Variants in GDPD4 observed in about 807,000 individuals in gnomAD.
The protein encoded by GDPD4 is glycerophosphodiester phosphodiesterase 6.
A neutral mutation model predicts 67.8 loss-of-function variants in GDPD4; 60 were observed. The observed-to-expected ratio is 0.88, with a 90% confidence interval of 0.72 to 1.10. The LOEUF is 1.10. GDPD4 is among the 50% of genes least tolerant of loss of function. The pLI is 0.00. For missense variants in GDPD4, 623 were observed against 613.9 expected, an observed-to-expected ratio of 1.01 and a Z score of -0.16; for synonymous variants, 212 against 210.9, an observed-to-expected ratio of 1.00 and a Z score of -0.04.
chr11:77,229,725 C>T (rs1374141443), intron 14 of GDPD4, among the ~76,000 whole-genome samples: 1 of 152,204 alleles, frequency 6.6e-6, no homozygotes, highest in Admixed American at 6.5e-5. Flanking sequence ...ATGCTGAAGC[C>T]ATGTGTCTGT....
At chr11:77,279,175 C>A in intron 4 of GDPD4, 131 bp downstream of exon 4, 1 of 567,784 alleles carries the variant, frequency 1.8e-6, no homozygotes, top group African/African-American at 1.9e-5. Context: ...ATGTAAATCC[C>A]AACTCTACTA....
At chr11:77,283,211 C>G (rs770885222) in intron 3 of GDPD4, among the ~76,000 whole-genome samples, 2 of 152,188 alleles carry the variant, frequency 1.3e-5, no homozygotes, top group African/African-American at 2.4e-5. Flanking sequence ...GTGGTCAGTG[C>G]AAAAGCCTGT....
At chr11:77,278,074 A>G (rs1959575481) in intron 4 of GDPD4, among the ~76,000 whole-genome samples, 1 of 151,964 alleles carries the variant, frequency 6.6e-6, no homozygotes, top group African/African-American at 2.4e-5. Context: ...CCTGAGTTCT[A>G]GTTTGATTGC....
At chr11:77,264,605 T>A (rs938264301) in intron 10 of GDPD4, among the ~76,000 whole-genome samples, 2 of 152,052 alleles carry the variant, frequency 1.3e-5, no homozygotes, top group African/African-American at 4.8e-5. Context: ...AAATGAAAAT[T>A]TACTATGATG....
At chr11:77,295,062 A>G (rs1221272023) in intron 1 of GDPD4, among the ~76,000 whole-genome samples, 2 of 143,904 alleles carry the variant, frequency 1.4e-5, no homozygotes, top group East Asian at 4.2e-4. Context: ...TCTGCCTCCC[A>G]GGAGCAATTA....
rs747692990 is a variant in GDPD4, at chr11:77,245,451, CTCTT to C, written c.912_915del (p.Arg305GlnfsTer9). The C allele has an allele frequency of 4.4e-5, 71 of 1,614,144 alleles. No individual in the cohort carries two copies. The highest frequency in any genetic ancestry group is 6.7e-5 in the Admixed American group (4 of 60,020). ...AGTGTTGGAATTGACTGATTTCTTG[CTCTT>C]TCTTTATCTGCCTCTGATAGAGGTT... On this transcript the variant is annotated frameshift_variant, in exon 12 of 17. Transcript: ENST00000315938. LOFTEE classifies it high-confidence loss of function.
chr11:77,242,958 A>G (rs1353443130), intron 13 of GDPD4, among the ~76,000 whole-genome samples: 1 of 151,874 alleles, frequency 6.6e-6, no homozygotes, highest in Non-Finnish European at 1.5e-5. Flanking sequence ...TAGATAATAG[A>G]TATCTATATA....
intron 4 of GDPD4, 60 bp downstream of exon 4, chr11:77,279,246 C>G: frequency 1.9e-6 from 2 of 1,053,488 alleles, no homozygotes; most frequent in Non-Finnish European, 3.0e-6. Flanking sequence ...ATACCACAGG[C>G]AGGAACACCT....
intron 16 of GDPD4, among the ~76,000 whole-genome samples, chr11:77,218,055 G>A (rs1457952441): frequency 1.3e-5 from 2 of 149,602 alleles, no homozygotes; most frequent in African/African-American, 4.9e-5. Context: ...TAACCTGAGT[G>A]TAATTCGATC....
At chr11:77,279,282 G>A in intron 4 of GDPD4, 24 bp downstream of exon 4, 1 of 1,473,732 alleles carries the variant, frequency 6.8e-7, no homozygotes, top group Non-Finnish European at 9.5e-7. Context: ...GAAGGGAGTG[G>A]AAGAAATGAG....
At chr11:77,261,592 T>C (rs1565529396) in intron 10 of GDPD4, among the ~76,000 whole-genome samples, 1 of 152,198 alleles carries the variant, frequency 6.6e-6, no homozygotes, top group Non-Finnish European at 1.5e-5. Context: ...GGAAACCGAT[T>C]TATAGATTTC....
chr11:77,281,362 G>T (rs1284009955), intron 3 of GDPD4, among the ~76,000 whole-genome samples: 1 of 152,064 alleles, frequency 6.6e-6, no homozygotes, highest in Non-Finnish European at 1.5e-5. Context: ...ACCATCGATG[G>T]TGGAGGCCCT....
At chr11:77,218,096 AT>A (rs35719470) in intron 16 of GDPD4, among the ~76,000 whole-genome samples, 3,493 of 147,516 alleles carry the variant, frequency 0.024, 35 homozygotes, top group African/African-American at 0.029. Flanking sequence ...ATGAGCTTCC[AT>A]TTTTTTTTTT....
chr11:77,225,065 C>CT (rs1958301556), intron 16 of GDPD4, among the ~76,000 whole-genome samples: 1 of 151,798 alleles, frequency 6.6e-6, no homozygotes, highest in Admixed American at 6.6e-5. Context: ...GATCATGCCA[C>CT]TATACTCCAG....
chr11:77,278,334 T>C (rs34375485), intron 4 of GDPD4, among the ~76,000 whole-genome samples: 11,776 of 152,146 alleles, frequency 0.077, 751 homozygotes, highest in East Asian at 0.24. Flanking sequence ...TATTTTTCTG[T>C]CTTGCTTAGT....
In GDPD4 at chr11:77,279,542, C is replaced by T. The variant is rs947400190; in HGVS notation, c.54-143G>A. ...AGCAGTGTGTGAACAGCAGCTTTTG[C>T]GGATAATTATATGAGGAGTTTTAAA... On this transcript the variant is annotated intron_variant, in intron 3 of 16. Transcript: ENST00000315938. The T allele has an allele frequency of 6.4e-5, 24 of 376,306 alleles. 3 individuals carry two copies. The highest frequency in any genetic ancestry group is 2.8e-4 in the East Asian group (9 of 32,714). The allele number at this position is 376,306 out of a possible 1,614,324, so 23.3% of individuals were successfully genotyped here.
At position 77,223,025 on chromosome 11, in the gene GDPD4, T is replaced by A. The variant is rs939639295; in HGVS notation, c.1525+4839A>T. ...ACTTGATCAAATCAGCTACTGAAGC[T>A]TGTGCATGTGTCACGTAGTTCTCAT... is the stretch of plus-strand genomic sequence containing the variant. On this transcript the variant is annotated intron_variant, in intron 16 of 16. Transcript: ENST00000315938. Among the ~76,000 whole-genome samples the A allele has an allele frequency of 5.4e-4, 82 of 152,242 alleles. 1 individual carries two copies. The highest frequency in any genetic ancestry group is 2.8e-3 in the Admixed American group (43 of 15,282).
At chr11:77,256,339 C>T (rs2135856707) in intron 11 of GDPD4, among the ~76,000 whole-genome samples, 1 of 152,254 alleles carries the variant, frequency 6.6e-6, no homozygotes, top group Non-Finnish European at 1.5e-5. Flanking sequence ...ATATATGAGA[C>T]ATATTGCAGA....
At chr11:77,249,315 A>G (rs1040957470) in intron 11 of GDPD4, among the ~76,000 whole-genome samples, 7 of 152,024 alleles carry the variant, frequency 4.6e-5, no homozygotes, top group Non-Finnish European at 7.4e-5. Flanking sequence ...AAGAACCACA[A>G]GAAGAAATGT....
Sources: gnomAD v4.1 joint callset for allele counts (sites outside exome capture counted in the v4.1 genomes callset) on GRCh38, gnomAD v4.1.1 for gene constraint, MANE v1.5 for transcripts, NCBI Gene and HGNC (gene_info 2026-07-23, HGNC 2026-07-21) for gene names.